PPP1R12A: variants seen among roughly 807,000 people sequenced by gnomAD.
The protein encoded by PPP1R12A is protein phosphatase 1 regulatory subunit 12A, also known as myosin binding subunit.
In PPP1R12A, 19 loss-of-function variants were observed where a neutral mutation model predicts 139.6. The ratio of observed to expected loss-of-function variants is 0.14; its 90% CI spans 0.09 to 0.20. PPP1R12A has a LOEUF of 0.20. Among genes scored for constraint, PPP1R12A ranks in the 10% least tolerant of loss-of-function variants. The probability of loss-of-function intolerance (pLI) is 1.00; values close to 1 mark genes in which losing one functional copy is unlikely to be tolerated. For synonymous variants in PPP1R12A, 427 were observed against 420.6 expected, an observed-to-expected ratio of 1.02 and a Z score of -0.19; for missense variants, 925 against 1,211.5, an observed-to-expected ratio of 0.76 and a Z score of 3.51.
rs1230540079 is a variant in PPP1R12A, at chr12:79,795,795, A to AT, written c.2462-37dup. On this transcript the variant is annotated intron_variant, in intron 17 of 24. Transcript: ENST00000450142. ...TTGCAATGAACCACAATATAGCAATATATCTTGACAATATTTTGCAAGGTA... is the reference window on the plus strand; with the variant it reads ...TTGCAATGAACCACAATATAGCAATATTATCTTGACAATATTTTGCAAGGTA... The AT allele has an allele frequency of 1.9e-6, 3 of 1,587,634 alleles. No individual in the cohort carries two copies. The African/African-American group carries it at 4.1e-5, about 22-fold the overall frequency.
At chr12:79,852,858 G>C (rs1880219345) in intron 2 of PPP1R12A, among the ~76,000 whole-genome samples, 3 of 152,128 alleles carry the variant, frequency 2.0e-5, no homozygotes, top group Admixed American at 2.0e-4. Context: ...GCTTAGAAGT[G>C]GTGAAAGCAT....
intron 3 of PPP1R12A, among the ~76,000 whole-genome samples, chr12:79,834,637 A>G (rs374975814): frequency 2.0e-5 from 3 of 152,184 alleles, no homozygotes; most frequent in Admixed American, 1.3e-4. Flanking sequence ...TAAAGCTTCA[A>G]TTTCGGAAAT....
chr12:79,853,162 T>C (rs1168735383), intron 2 of PPP1R12A, among the ~76,000 whole-genome samples: 1 of 152,186 alleles, frequency 6.6e-6, no homozygotes, highest in Non-Finnish European at 1.5e-5. Context: ...CAATGTTTTT[T>C]TCTGTGGTGT....
At chr12:79,855,924 A>C (rs888081350) in intron 2 of PPP1R12A, among the ~76,000 whole-genome samples, 2 of 150,294 alleles carry the variant, frequency 1.3e-5, no homozygotes, top group Non-Finnish European at 3.0e-5. Context: ...TAGAACAGTA[A>C]AAAAAAAAAC....
chr12:79,861,011 G>GA (rs1881253006), intron 2 of PPP1R12A, among the ~76,000 whole-genome samples: 1 of 151,964 alleles, frequency 6.6e-6, no homozygotes, highest in Non-Finnish European at 1.5e-5. Flanking sequence ...AGAAGTTAAA[G>GA]AAAAAAACAC....
chr12:79,932,394 G>A (rs1362682774), intron 1 of PPP1R12A, among the ~76,000 whole-genome samples: 44 of 152,148 alleles, frequency 2.9e-4, no homozygotes, highest in Admixed American at 2.8e-3. Flanking sequence ...TACAAGAGTT[G>A]ATAAATAAGA....
At position 79,801,611 on chromosome 12, in the gene PPP1R12A, T is replaced by TTA. The variant is rs146296682; in HGVS notation, c.2001-3029_2001-3028dup. 5.2e-3 allele frequency among the ~76,000 whole-genome samples: 786 copies of TTA among 152,058 alleles called. 6 individuals are homozygous for TTA. Among genetic ancestry groups the TTA allele is most frequent in the African/African-American group, 0.018 (744 of 41,490 alleles). ...TCCTTTTAGAGAGCCCTCATTCTTT[T>TTA]TATATATATAAGGAAATCATATTTC... On this transcript the variant is annotated intron_variant, in intron 14 of 24. Coordinates refer to ENST00000450142, the MANE Select transcript of PPP1R12A (RefSeq NM_002480.3).
At chr12:79,838,898 TG>T (rs1417949534) in intron 3 of PPP1R12A, among the ~76,000 whole-genome samples, 1 of 152,162 alleles carries the variant, frequency 6.6e-6, no homozygotes, top group East Asian at 1.9e-4. Context: ...GAATCCCCAC[TG>T]GGGTACTGCC....
chr12:79,880,247 C>A (rs1263426815), intron 1 of PPP1R12A, among the ~76,000 whole-genome samples: 2 of 152,090 alleles, frequency 1.3e-5, no homozygotes, highest in Non-Finnish European at 2.9e-5. Context: ...ATAAAGAGAT[C>A]TTTTTGTGAC....
chr12:79,935,230 CA>C (rs1888579706), upstream of PPP1R12A: 2 of 1,252,794 alleles, frequency 1.6e-6, no homozygotes, highest in African/African-American at 3.1e-5. Context: ...GCCCTTCGAC[CA>C]GTGCGCATGC....
intron 22 of PPP1R12A, among the ~76,000 whole-genome samples, chr12:79,786,155 A>C (rs1871098746): frequency 6.6e-6 from 1 of 152,204 alleles, no homozygotes; most frequent in Middle Eastern, 3.2e-3. Context: ...TTGACATACC[A>C]CAACATTGGT....
chr12:79,864,159 C>A (rs1461258780), intron 2 of PPP1R12A, among the ~76,000 whole-genome samples: 1 of 152,150 alleles, frequency 6.6e-6, no homozygotes, highest in East Asian at 1.9e-4. Flanking sequence ...ACAGTGCAAT[C>A]AAATTAGAAC....
At chr12:79,835,418 C>T (rs947773760) in intron 3 of PPP1R12A, among the ~76,000 whole-genome samples, 1 of 152,104 alleles carries the variant, frequency 6.6e-6, no homozygotes, top group Non-Finnish European at 1.5e-5. Flanking sequence ...AATCCCCTTC[C>T]GTATATCCTA....
chr12:79,899,466 A>G (rs1885438956), intron 1 of PPP1R12A, among the ~76,000 whole-genome samples: 1 of 151,960 alleles, frequency 6.6e-6, no homozygotes, highest in African/African-American at 2.4e-5. Flanking sequence ...CTAAAACTTC[A>G]TGTAAATGGA....
intron 2 of PPP1R12A, among the ~76,000 whole-genome samples, chr12:79,866,360 AT>A (rs1244877927): frequency 6.6e-6 from 1 of 152,250 alleles, no homozygotes; most frequent in Admixed American, 6.5e-5. Context: ...CCTAAAAACC[AT>A]TAAAATTCTA....
chr12:79,875,653 C>G (rs889483717), intron 1 of PPP1R12A, among the ~76,000 whole-genome samples: 2 of 152,138 alleles, frequency 1.3e-5, no homozygotes, highest in Middle Eastern at 3.2e-3. Flanking sequence ...GCCAAAAGAT[C>G]TTTGTTGGAA....
intron 1 of PPP1R12A, among the ~76,000 whole-genome samples, chr12:79,915,998 A>G (rs1453998625): frequency 6.6e-6 from 1 of 152,050 alleles, no homozygotes. Flanking sequence ...CCTTGACCAA[A>G]AAGGAAGTAA....
In PPP1R12A at chr12:79,820,837, CCTT is replaced by C; in HGVS notation, c.1048_1050del (p.Lys350del). The stretch of plus-strand genomic sequence containing the variant: ...TCTTCACTAGAGCAGCTAGACTCAT[CCTT>C]CTTTCCTTCTTCTTCTTCATCAACC... On this transcript the variant is annotated inframe_deletion, in exon 8 of 25. Transcript: ENST00000450142. 5 of 1,613,620 alleles carry C rather than the reference CCTT, an allele frequency of 3.1e-6. No individual in the cohort carries two copies. The highest frequency in any genetic ancestry group is 3.4e-6 in the Non-Finnish European group (4 of 1,179,792).
chr12:79,849,179 T>C (rs1242134065), intron 2 of PPP1R12A, among the ~76,000 whole-genome samples: 3 of 151,998 alleles, frequency 2.0e-5, no homozygotes, highest in Admixed American at 2.0e-4. Context: ...AGGTCAGAAG[T>C]TCGAGACCAG....
Sources: allele counts gnomAD v4.1 joint callset (sites outside exome capture counted in the v4.1 genomes callset), GRCh38; gene constraint gnomAD v4.1.1; transcripts MANE v1.5; gene names NCBI Gene and HGNC (gene_info 2026-07-23, HGNC 2026-07-21).